The following PDE1C variants were observed in gnomAD, a reference collection of about 807,000 sequenced individuals.
PDE1C encodes the protein phosphodiesterase 1C.
In PDE1C, 62 loss-of-function variants were observed where a neutral mutation model predicts 93.1. The observed-to-expected ratio is 0.67, with a 90% CI of 0.54 to 0.82. The LOEUF (loss-of-function observed/expected upper bound fraction) is 0.82, where lower values mean the gene tolerates loss of function less well. Among genes scored for constraint, PDE1C ranks in the 40% least tolerant of loss-of-function variants. The pLI is 0.00. For synonymous variants in PDE1C, 325 were observed against 310.1 expected, an observed-to-expected ratio of 1.05 and a Z score of -0.50; for missense variants, 742 against 884.6, an observed-to-expected ratio of 0.84 and a Z score of 2.04.
chr7:32,122,949 AATAG>A (rs1192174863), intron 3 of PDE1C, among the ~76,000 whole-genome samples: 1 of 152,198 alleles, frequency 6.6e-6, no homozygotes, highest in East Asian at 1.9e-4. Context: ...AAATTAACAA[AATAG>A]ATAGACTGCT....
chr7:32,190,144 T>A (rs1291170169), intron 2 of PDE1C, among the ~76,000 whole-genome samples: 1 of 152,236 alleles, frequency 6.6e-6, no homozygotes, highest in Non-Finnish European at 1.5e-5. Flanking sequence ...TGTACTGACC[T>A]GGAAATTAGG....
At chr7:31,628,239 C>G in the PDE1C span, among the ~76,000 whole-genome samples, 2 of 152,112 alleles carry the variant, frequency 1.3e-5, no homozygotes, top group African/African-American at 4.8e-5. Flanking sequence ...CTACCGGTGC[C>G]TCCCATTGAT....
At chr7:31,859,012 A>T (rs935964881) in intron 7 of PDE1C, among the ~76,000 whole-genome samples, 6 of 151,636 alleles carry the variant, frequency 4.0e-5, no homozygotes, top group South Asian at 2.1e-4. Context: ...GTGAAAAAAA[A>T]TTTTAACTGT....
intron 2 of PDE1C, among the ~76,000 whole-genome samples, chr7:32,198,955 G>GA (rs935235868): frequency 1.6e-4 from 23 of 148,370 alleles, no homozygotes; most frequent in South Asian, 6.4e-4. Flanking sequence ...TGTCTCTACT[G>GA]AAAAAAAAAA....
chr7:31,655,801 C>T, the PDE1C span: 5 of 985,660 alleles, frequency 5.1e-6, no homozygotes, highest in Non-Finnish European at 6.0e-6. Flanking sequence ...TTTGACCTCC[C>T]CTTCTCCATG....
At chr7:32,077,100 C>T (rs909251774) in intron 3 of PDE1C, among the ~76,000 whole-genome samples, 12 of 152,104 alleles carry the variant, frequency 7.9e-5, no homozygotes, top group African/African-American at 2.4e-4. Context: ...AGTAGCCAGG[C>T]GTGGTGGCAC....
downstream of PDE1C, among the ~76,000 whole-genome samples, chr7:31,748,183 AT>A (rs968129895): frequency 6.6e-6 from 1 of 152,192 alleles, no homozygotes; most frequent in African/African-American, 2.4e-5. Context: ...ACTATGTCAG[AT>A]TTCTCTTACT....
the PDE1C span, chr7:31,652,154 C>T: frequency 1.1e-6 from 1 of 870,114 alleles, no homozygotes; most frequent in Non-Finnish European, 1.8e-6. Context: ...TCTAGGTTTA[C>T]ATGCCAACAC....
intron 2 of PDE1C, among the ~76,000 whole-genome samples, chr7:31,998,370 T>C (rs1339340062): frequency 6.6e-6 from 1 of 152,176 alleles, no homozygotes; most frequent in Non-Finnish European, 1.5e-5. Context: ...AATGAATGCA[T>C]GCATTATTGG....
chr7:31,626,757 C>A, the PDE1C span, among the ~76,000 whole-genome samples: 1 of 152,206 alleles, frequency 6.6e-6, no homozygotes, highest in African/African-American at 2.4e-5. Context: ...TACTACTACA[C>A]ATGCTCAGAG....
intron 3 of PDE1C, among the ~76,000 whole-genome samples, chr7:32,144,254 C>G (rs1800695409): frequency 6.6e-6 from 1 of 152,146 alleles, no homozygotes; most frequent in Non-Finnish European, 1.5e-5. Flanking sequence ...GACTTTGTGT[C>G]TCTCTGTCTC....
chr7:32,325,855 C>T (rs760151050), intron 1 of PDE1C, among the ~76,000 whole-genome samples: 3 of 151,960 alleles, frequency 2.0e-5, no homozygotes, highest in Admixed American at 6.6e-5. Context: ...GGTTCTGAGC[C>T]CAAGAGGGAG....
intron 1 of PDE1C, among the ~76,000 whole-genome samples, chr7:32,215,367 G>A (rs903913585): frequency 9.9e-5 from 15 of 152,034 alleles, no homozygotes; most frequent in African/African-American, 3.1e-4. Flanking sequence ...CCATGAAACC[G>A]GTCCCTGGTG....
intron 1 of PDE1C, among the ~76,000 whole-genome samples, chr7:32,310,657 G>A (rs1783003111): frequency 6.6e-6 from 1 of 152,138 alleles, no homozygotes; most frequent in African/African-American, 2.4e-5. Flanking sequence ...TGACTACTGG[G>A]TACATAATGA....
intron 2 of PDE1C, among the ~76,000 whole-genome samples, chr7:32,208,136 T>A (rs1805739738): frequency 1.3e-5 from 2 of 152,248 alleles, no homozygotes; most frequent in South Asian, 4.1e-4. Context: ...GAGCACTTCA[T>A]GCTCTTTCAT....
At chr7:32,223,164 C>T (rs900857153) in intron 1 of PDE1C, among the ~76,000 whole-genome samples, 10 of 152,230 alleles carry the variant, frequency 6.6e-5, no homozygotes, top group African/African-American at 2.4e-4. Context: ...CAGAGTTCAT[C>T]TTCTCCTCTC....
chr7:32,335,018 C>G (rs963412475), intron 1 of PDE1C, among the ~76,000 whole-genome samples: 1 of 152,180 alleles, frequency 6.6e-6, no homozygotes, highest in African/African-American at 2.4e-5. Context: ...CTTCTCCTAT[C>G]ACTGTTCTCT....
At chr7:32,392,027 T>G (rs1784759653) in intron 1 of PDE1C, among the ~76,000 whole-genome samples, 1 of 151,906 alleles carries the variant, frequency 6.6e-6, no homozygotes, top group African/African-American at 2.4e-5. Flanking sequence ...AAAGAAAAAT[T>G]GATTTTTAAA....
intron 9 of PDE1C, among the ~76,000 whole-genome samples, chr7:31,843,345 T>C (rs1002853893): frequency 6.6e-6 from 1 of 151,954 alleles, no homozygotes; most frequent in African/African-American, 2.4e-5. Flanking sequence ...CTTTTTCTCC[T>C]ATCAATTTTT....
Sources: allele counts gnomAD v4.1 joint callset (sites outside exome capture counted in the v4.1 genomes callset), GRCh38; gene constraint gnomAD v4.1.1; transcripts MANE v1.5; gene names NCBI Gene and HGNC (gene_info 2026-07-23, HGNC 2026-07-21).